Variants in RHOJ observed in about 807,000 individuals in gnomAD.
The protein encoded by RHOJ is rho-related GTP-binding protein RhoJ.
Under a neutral mutation model 23.4 loss-of-function variants are expected in RHOJ, and 11 were observed. That is an observed-to-expected ratio of 0.47 (90% CI 0.30 to 0.78). RHOJ has a LOEUF of 0.78. Ranked by LOEUF, RHOJ falls within the 30% of genes least tolerant of loss-of-function variation. The pLI, the probability that RHOJ is intolerant of heterozygous loss-of-function variation, is 0.08. For missense variants in RHOJ, 254 were observed against 273.4 expected (o/e 0.93, Z 0.50); for synonymous variants, 102 against 102.7 (o/e 0.99, Z 0.04).
intron 1 of RHOJ, among the ~76,000 whole-genome samples, chr14:63,217,934 A>G (rs1272482524): frequency 6.6e-6 from 1 of 152,226 alleles, no homozygotes; most frequent in Non-Finnish European, 1.5e-5. Context: ...AACAGGATGT[A>G]AACTCTAAAT....
chr14:63,204,546 A>C lies in RHOJ; in HGVS notation c.-324A>C, dbSNP rs1400166302. 2 of 323,380 alleles carry C rather than the reference A, an allele frequency of 6.2e-6. No individual in the cohort carries two copies. Among genetic ancestry groups the C allele is most frequent in the Non-Finnish European group, 1.1e-5 (2 of 176,004 alleles). 20.0% of individuals were successfully genotyped at this position (323,380 alleles called of 1,614,324 possible). A position where few individuals can be genotyped will look rare whatever the true frequency, so the allele number is the denominator to read the frequency against. ...TTGCCAGGCTAGAGACAGGGAGAGC[A>C]GAGTAAAACCCTCAGGCTGCTGAAA... On this transcript the variant is annotated 5_prime_UTR_variant, in exon 1 of 5. Coordinates refer to ENST00000316754, the MANE Select transcript of RHOJ (RefSeq NM_020663.5).
chr14:63,288,646 A>T (rs1474022391), intron 4 of RHOJ, among the ~76,000 whole-genome samples: 2 of 152,218 alleles, frequency 1.3e-5, no homozygotes, highest in African/African-American at 2.4e-5. Context: ...TTAATTATTT[A>T]AAAAAGTTAT....
At chr14:63,242,446 G>C (rs935084894) in intron 1 of RHOJ, among the ~76,000 whole-genome samples, 4 of 152,184 alleles carry the variant, frequency 2.6e-5, no homozygotes, top group African/African-American at 9.7e-5. Context: ...GTACATGACT[G>C]TAGTCCTAGC....
At chr14:63,275,663 A>G (rs1881693309) in intron 2 of RHOJ, among the ~76,000 whole-genome samples, 1 of 152,168 alleles carries the variant, frequency 6.6e-6, no homozygotes, top group South Asian at 2.1e-4. Context: ...CTTTACCTCC[A>G]AAGCCCCATT....
chr14:63,225,180 T>C (rs540755693), intron 1 of RHOJ, among the ~76,000 whole-genome samples: 1 of 152,144 alleles, frequency 6.6e-6, no homozygotes. Flanking sequence ...CTCAATCTCC[T>C]GACCTCGTGA....
At chr14:63,220,926 T>C (rs2139737127) in intron 1 of RHOJ, among the ~76,000 whole-genome samples, 1 of 152,334 alleles carries the variant, frequency 6.6e-6, no homozygotes, top group Non-Finnish European at 1.5e-5. Flanking sequence ...TCTGACACTC[T>C]GTTCTATTTC....
intron 1 of RHOJ, among the ~76,000 whole-genome samples, chr14:63,225,507 C>T (rs1894576869): frequency 6.6e-6 from 1 of 152,118 alleles, no homozygotes; most frequent in African/African-American, 2.4e-5. Context: ...TTCATTTTTA[C>T]TTCTGTAAAA....
rs77962933 is a variant in RHOJ, at chr14:63,279,156, T to C, written c.238-1815T>C. Among the ~76,000 whole-genome samples, 1,467 of 152,332 alleles carry C rather than the reference T, an allele frequency of 9.6e-3. 25 individuals are homozygous for C. The highest frequency in any genetic ancestry group is 0.033 in the African/African-American group (1,375 of 41,574). The stretch of plus-strand genomic sequence containing the variant: ...CATTTTTGCAATGAGCACATACATG[T>C]TTTGTAAGTTTCTGAAATGTTTCAT... On this transcript the variant is annotated intron_variant, in intron 2 of 4. Transcript: ENST00000316754.
At chr14:63,279,829 G>A (rs1035444784) in intron 2 of RHOJ, among the ~76,000 whole-genome samples, 1 of 152,118 alleles carries the variant, frequency 6.6e-6, no homozygotes, top group Non-Finnish European at 1.5e-5. Flanking sequence ...TTGCATGTTA[G>A]TTCATTTATT....
At chr14:63,214,737 T>C (rs1894315744) in intron 1 of RHOJ, among the ~76,000 whole-genome samples, 1 of 152,116 alleles carries the variant, frequency 6.6e-6, no homozygotes, top group South Asian at 2.1e-4. Context: ...GTGGGAATTC[T>C]GATGCGTAGC....
intron 1 of RHOJ, among the ~76,000 whole-genome samples, chr14:63,247,015 G>A (rs1199374916): frequency 6.6e-6 from 1 of 152,166 alleles, no homozygotes; most frequent in Non-Finnish European, 1.5e-5. Context: ...CCATTTTACA[G>A]ATTTTGAGAC....
chr14:63,249,629 C>T (rs1433607425), intron 1 of RHOJ, among the ~76,000 whole-genome samples: 1 of 152,156 alleles, frequency 6.6e-6, no homozygotes, highest in Non-Finnish European at 1.5e-5. Flanking sequence ...TCCATTTGAA[C>T]CTCATGTTAG....
At chr14:63,206,932 A>C (rs184455439) in intron 1 of RHOJ, among the ~76,000 whole-genome samples, 1 of 152,234 alleles carries the variant, frequency 6.6e-6, no homozygotes, top group Non-Finnish European at 1.5e-5. Context: ...CTTTAAGTAT[A>C]TAATCGTCTC....
At chr14:63,284,015 T>C (rs1881995923) in intron 4 of RHOJ, among the ~76,000 whole-genome samples, 1 of 152,156 alleles carries the variant, frequency 6.6e-6, no homozygotes, top group Admixed American at 6.5e-5. Context: ...GGACTCCTCA[T>C]CAAGTCATAA....
At chr14:63,241,753 A>G (rs1016702217) in intron 1 of RHOJ, among the ~76,000 whole-genome samples, 1 of 152,258 alleles carries the variant, frequency 6.6e-6, no homozygotes. Flanking sequence ...TGGTTGATCC[A>G]GTAGCAAAAT....
chr14:63,273,555 G>A (rs1895509738), intron 2 of RHOJ, among the ~76,000 whole-genome samples: 1 of 152,212 alleles, frequency 6.6e-6, no homozygotes, highest in East Asian at 1.9e-4. Flanking sequence ...ACCAGCTGAG[G>A]AACTTCAGAC....
At chr14:63,241,007 C>T (rs1028197275) in intron 1 of RHOJ, among the ~76,000 whole-genome samples, 8 of 152,186 alleles carry the variant, frequency 5.3e-5, no homozygotes, top group African/African-American at 1.2e-4. Flanking sequence ...CCCTTGCTTT[C>T]TCCCCAGAGA....
intron 1 of RHOJ, among the ~76,000 whole-genome samples, chr14:63,207,037 T>TTTC (rs1894126180): frequency 1.9e-5 from 2 of 105,122 alleles, no homozygotes; most frequent in East Asian, 5.0e-4. Flanking sequence ...TTTCTTTTCT[T>TTTC]TTTTTTTTTT....
At chr14:63,235,220 G>A (rs946658873) in intron 1 of RHOJ, among the ~76,000 whole-genome samples, 7 of 150,782 alleles carry the variant, frequency 4.6e-5, no homozygotes, top group African/African-American at 1.2e-4. Flanking sequence ...AAAAAAAAAA[G>A]AGGCACTATC....
Sources: gnomAD v4.1 joint callset for allele counts (sites outside exome capture counted in the v4.1 genomes callset) on GRCh38, gnomAD v4.1.1 for gene constraint, MANE v1.5 for transcripts, NCBI Gene and HGNC (gene_info 2026-07-23, HGNC 2026-07-21) for gene names.